NSG2: variants seen among roughly 807,000 people sequenced by gnomAD.
NSG2 encodes the protein neuronal vesicle trafficking-associated protein 2.
A neutral mutation model predicts 16.9 loss-of-function variants in NSG2; 4 were observed. That is an observed-to-expected ratio of 0.24 (90% confidence interval 0.12 to 0.54). NSG2 has a LOEUF of 0.54. NSG2 is among the 20% of genes least tolerant of loss of function. The pLI is 0.95. For synonymous variants in NSG2, 98 were observed against 88.7 expected (o/e 1.11, Z -0.59); for missense variants, 179 against 221.1 (o/e 0.81, Z 1.21).
At chr5:174,075,124 A>G (rs1760315984) in intron 3 of NSG2, among the ~76,000 whole-genome samples, 1 of 152,218 alleles carries the variant, frequency 6.6e-6, no homozygotes, top group African/African-American at 2.4e-5. Flanking sequence ...GCTTTATTTT[A>G]TTAAACTTCT....
Position 174,107,230 on chromosome 5 carries a change from C to A in NSG2, c.325-84C>A. The stretch of plus-strand genomic sequence containing the variant: ...TCTGGCTGACAGCCCGATGCAGCTG[C>A]ACTCCAGTCAGGGTGGCTGTGTTGC... On this transcript the variant is annotated intron_variant, in intron 4 of 4. Transcript: ENST00000303177. The surrounding 1 kb of genome is among the most constrained non-coding windows in gnomAD (Gnocchi z 4.5). 7.9e-7 allele frequency: 1 copy of A among 1,262,686 alleles called. No individual in the cohort carries two copies. 78.2% of individuals were successfully genotyped at this position (1,262,686 alleles called of 1,614,324 possible). A position where few individuals can be genotyped will look rare whatever the true frequency, so the allele number is the denominator to read the frequency against.
intron 2 of NSG2, among the ~76,000 whole-genome samples, chr5:174,061,909 C>CTTTT (rs11426817): frequency 8.6e-6 from 1 of 116,632 alleles, no homozygotes; most frequent in Admixed American, 8.7e-5. Context: ...AGCCCCCAAA[C>CTTTT]TTTTTTTTTT....
chr5:174,106,933 A>T (rs949203827), intron 4 of NSG2, among the ~76,000 whole-genome samples: 8 of 152,170 alleles, frequency 5.3e-5, no homozygotes, highest in African/African-American at 1.9e-4. Context: ...AGTATAAAAT[A>T]CAGGAAATAA....
intron 3 of NSG2, among the ~76,000 whole-genome samples, chr5:174,100,213 C>G (rs570288461): frequency 2.0e-5 from 3 of 152,198 alleles, no homozygotes; most frequent in Non-Finnish European, 4.4e-5. Flanking sequence ...ACCCTTGACT[C>G]TGACAGTCAC....
rs1404762479 is a variant in NSG2 at position 174,072,603 on chromosome 5, G to C, written c.213+8288G>C. 1.3e-5 allele frequency among the ~76,000 whole-genome samples: 2 copies of C among 152,226 alleles called. No homozygotes were observed. The highest frequency in any genetic ancestry group is 2.9e-5 in the Non-Finnish European group (2 of 68,036). The stretch of plus-strand genomic sequence containing the variant: ...TGAGTTACCTACTAGGTCTCCTGCT[G>C]ACTGGACCAGGAGCTCTTGTACCCT... On this transcript the variant is annotated intron_variant, in intron 3 of 4. Coordinates refer to ENST00000303177, the MANE Select transcript of NSG2 (RefSeq NM_015980.5). The surrounding 1 kb of genome is among the most constrained non-coding windows in gnomAD (Gnocchi z 4.0).
At chr5:174,096,371 C>G (rs1029539272) in intron 3 of NSG2, among the ~76,000 whole-genome samples, 6 of 152,016 alleles carry the variant, frequency 3.9e-5, no homozygotes, top group African/African-American at 1.4e-4. Flanking sequence ...TGAGCAGGGA[C>G]TTGACAGGCT....
At chr5:174,047,270 G>A (rs1759815726) in intron 2 of NSG2, among the ~76,000 whole-genome samples, 1 of 152,150 alleles carries the variant, frequency 6.6e-6, no homozygotes, top group South Asian at 2.1e-4. Flanking sequence ...ACTCAAACAA[G>A]CATTCAGTTT....
At chr5:174,092,629 A>C (rs1298237565) in intron 3 of NSG2, among the ~76,000 whole-genome samples, 1 of 152,218 alleles carries the variant, frequency 6.6e-6, no homozygotes, top group Non-Finnish European at 1.5e-5. Flanking sequence ...CAACAATGAC[A>C]ACAAGAAGCA....
At chr5:174,062,951 C>A (rs1425408800) in intron 2 of NSG2, among the ~76,000 whole-genome samples, 23 of 152,178 alleles carry the variant, frequency 1.5e-4, no homozygotes, top group Non-Finnish European at 5.9e-5. Flanking sequence ...TAGGAGTGAT[C>A]ATGGTTAGAA....
intron 2 of NSG2, among the ~76,000 whole-genome samples, chr5:174,054,761 GAC>G (rs1759941455): frequency 6.6e-6 from 1 of 152,140 alleles, no homozygotes; most frequent in Non-Finnish European, 1.5e-5. Flanking sequence ...TGTTCACTTT[GAC>G]ACACAGGGAG....
chr5:174,075,473 T>A (rs990480149), intron 3 of NSG2, among the ~76,000 whole-genome samples: 1 of 152,226 alleles, frequency 6.6e-6, no homozygotes, highest in Non-Finnish European at 1.5e-5. Context: ...TTGCTGCAGA[T>A]CCCTGTTATT....
intron 2 of NSG2, among the ~76,000 whole-genome samples, chr5:174,059,918 G>T (rs1025116164): frequency 3.3e-5 from 5 of 152,146 alleles, no homozygotes; most frequent in African/African-American, 9.7e-5. Context: ...GTCCAAATTG[G>T]GTAACATGCC....
intron 2 of NSG2, among the ~76,000 whole-genome samples, chr5:174,060,508 A>G (rs772483694): frequency 2.0e-5 from 3 of 152,188 alleles, no homozygotes; most frequent in Non-Finnish European, 4.4e-5. Context: ...AGACTTGGCA[A>G]TGTGGGAAGG....
At chr5:174,049,650 C>T (rs1455939781) in intron 2 of NSG2, among the ~76,000 whole-genome samples, 1 of 152,162 alleles carries the variant, frequency 6.6e-6, no homozygotes, top group Non-Finnish European at 1.5e-5. Context: ...CCAGAACCTT[C>T]TACCTCAGCA....
chr5:174,071,863 C>A (rs2113444498), intron 3 of NSG2, among the ~76,000 whole-genome samples: 1 of 152,324 alleles, frequency 6.6e-6, no homozygotes, highest in South Asian at 2.1e-4. Context: ...GGATCCCCGG[C>A]TACACAGGAA....
intron 4 of NSG2, among the ~76,000 whole-genome samples, chr5:174,106,204 C>T (rs553060630): frequency 3.9e-5 from 6 of 152,200 alleles, no homozygotes; most frequent in African/African-American, 1.4e-4. Context: ...AAGGGATGGA[C>T]GCAAGGCTTC....
At chr5:174,080,047 T>C (rs1354543902) in intron 3 of NSG2, among the ~76,000 whole-genome samples, 3 of 152,296 alleles carry the variant, frequency 2.0e-5, no homozygotes, top group East Asian at 3.9e-4. Context: ...TCTAAGATCA[T>C]TTATTAATCT....
chr5:174,065,209 T>A (rs1760119832), intron 3 of NSG2, among the ~76,000 whole-genome samples: 1 of 151,204 alleles, frequency 6.6e-6, no homozygotes, highest in African/African-American at 2.4e-5. Context: ...GCGCCTGTAA[T>A]CCCATCTACT....
intron 2 of NSG2, among the ~76,000 whole-genome samples, chr5:174,051,391 C>T (rs1759886682): frequency 6.6e-6 from 1 of 152,172 alleles, no homozygotes; most frequent in African/African-American, 2.4e-5. Flanking sequence ...CCCAGAATGC[C>T]CTTCTGGCTC....
Sources: gnomAD v4.1 joint callset for allele counts (sites outside exome capture counted in the v4.1 genomes callset) on GRCh38, gnomAD v4.1.1 for gene constraint, Gnocchi (gnomAD v3.1) non-coding constraint, MANE v1.5 for transcripts, NCBI Gene and HGNC (gene_info 2026-07-23, HGNC 2026-07-21) for gene names.